The following CADM1 variants were observed in gnomAD, a reference collection of about 807,000 sequenced individuals.
CADM1 encodes the protein cell adhesion molecule 1, also known as TSLC-1.
CADM1 carries 15 observed loss-of-function variants against 53.1 expected under a neutral mutation model. That is an observed-to-expected ratio of 0.28 (90% confidence interval 0.19 to 0.44). CADM1 has a LOEUF of 0.44. Among genes scored for constraint, CADM1 ranks in the 20% least tolerant of loss-of-function variants. The pLI, the probability that CADM1 is intolerant of heterozygous loss-of-function variation, is 1.00. For synonymous variants in CADM1, 281 were observed against 243.0 expected, an observed-to-expected ratio of 1.16 and a Z score of -1.45; for missense variants, 434 against 611.3, an observed-to-expected ratio of 0.71 and a Z score of 3.06.
chr11:115,394,407 T>C (rs1295604438), intron 1 of CADM1, among the ~76,000 whole-genome samples: 1 of 152,082 alleles, frequency 6.6e-6, no homozygotes, highest in Non-Finnish European at 1.5e-5. Flanking sequence ...TAGCTTTCTA[T>C]CTAGCTCCAG....
At chr11:115,486,642 G>A (rs1450154200) in intron 1 of CADM1, among the ~76,000 whole-genome samples, 2 of 152,158 alleles carry the variant, frequency 1.3e-5, no homozygotes, top group African/African-American at 2.4e-5. Context: ...ATAGTACCTG[G>A]CCTTGAATTT....
intron 1 of CADM1, among the ~76,000 whole-genome samples, chr11:115,369,116 A>C (rs1351691589): frequency 6.7e-6 from 1 of 150,214 alleles, no homozygotes; most frequent in Non-Finnish European, 1.5e-5. Context: ...TTCCCTTTAT[A>C]AAGGCATCAG....
In CADM1 at chr11:115,350,117, A is replaced by G. The variant is rs578072796; in HGVS notation, c.125-109697T>C. 6.6e-5 allele frequency among the ~76,000 whole-genome samples: 10 copies of G among 152,208 alleles called. No individual in the cohort carries two copies. The South Asian group carries it at 1.2e-3, about 19-fold the overall frequency. On this transcript the variant is annotated intron_variant, in intron 1 of 11. Transcript: ENST00000331581. The stretch of plus-strand genomic sequence containing the variant: ...CTCCCGAGTAGCTGGGATTAGAGGC[A>G]TGTGCCACCATGACTGGCTAACTTT...
chr11:115,206,886 G>A (rs1003194006), intron 8 of CADM1, among the ~76,000 whole-genome samples: 1 of 149,058 alleles, frequency 6.7e-6, no homozygotes, highest in African/African-American at 2.5e-5. Context: ...GAGAGAAGAG[G>A]AGTGGAAATT....
chr11:115,308,576 T>C (rs1236901719), intron 1 of CADM1, among the ~76,000 whole-genome samples: 1 of 152,064 alleles, frequency 6.6e-6, no homozygotes. Context: ...GTGATTTTTT[T>C]CACAAAGTAA....
rs751343310 is a variant in CADM1, at chr11:115,173,767, A to G, written c.*2707T>C. On this transcript the variant is annotated 3_prime_UTR_variant, in exon 12 of 12. Transcript: ENST00000331581. Reference sequence around the variant, plus strand: ...AACATATGGATATGGAGTTTCTTACACTGTAACATTGTCCATGTACACCTT... The same window carrying G: ...AACATATGGATATGGAGTTTCTTACGCTGTAACATTGTCCATGTACACCTT... The G allele has an allele frequency of 2.0e-6, 2 of 982,438 alleles. No homozygotes were observed. Among genetic ancestry groups the G allele is most frequent in the African/African-American group, 1.8e-5 (1 of 57,076 alleles). The allele number at this position is 982,438 out of a possible 1,614,324, so 60.9% of individuals were successfully genotyped here.
chr11:115,288,044 A>C (rs1266988467), intron 1 of CADM1, among the ~76,000 whole-genome samples: 2 of 152,180 alleles, frequency 1.3e-5, no homozygotes, highest in Admixed American at 6.6e-5. Flanking sequence ...CTTGTGATGA[A>C]ATGACATTCT....
chr11:115,302,768 T>G (rs775819236), intron 1 of CADM1, among the ~76,000 whole-genome samples: 3 of 151,962 alleles, frequency 2.0e-5, no homozygotes, highest in Non-Finnish European at 4.4e-5. Flanking sequence ...AGGTTCTCAA[T>G]GAAGGGAGAT....
chr11:115,378,243 TCAGGACTAA>T (rs1388859663), intron 1 of CADM1, among the ~76,000 whole-genome samples: 1 of 152,102 alleles, frequency 6.6e-6, no homozygotes, highest in Non-Finnish European at 1.5e-5. Flanking sequence ...GACAGCATCC[TCAGGACTAA>T]CAGATCATCT....
At chr11:115,211,498 T>TA (rs11398703) in intron 7 of CADM1, among the ~76,000 whole-genome samples, 1 of 148,984 alleles carries the variant, frequency 6.7e-6, no homozygotes, top group Non-Finnish European at 1.5e-5. Flanking sequence ...TTTTTTTTTT[T>TA]AGACGGAGTC....
chr11:115,456,769 T>C (rs897126913), intron 1 of CADM1, among the ~76,000 whole-genome samples: 1 of 152,156 alleles, frequency 6.6e-6, no homozygotes, highest in African/African-American at 2.4e-5. Flanking sequence ...AGTGAAATAA[T>C]GTATGTCATG....
chr11:115,414,538 CTCA>C (rs1396517473), intron 1 of CADM1, among the ~76,000 whole-genome samples: 1 of 152,020 alleles, frequency 6.6e-6, no homozygotes, highest in Non-Finnish European at 1.5e-5. Flanking sequence ...ATTTGTAAAT[CTCA>C]TCAAAGGAAC....
At chr11:115,376,740 T>C (rs1023136922) in intron 1 of CADM1, among the ~76,000 whole-genome samples, 1 of 152,062 alleles carries the variant, frequency 6.6e-6, no homozygotes, top group Non-Finnish European at 1.5e-5. Context: ...GAAAAGTACA[T>C]GAAGCTCTTG....
chr11:115,387,579 A>C (rs1946730522), intron 1 of CADM1, among the ~76,000 whole-genome samples: 1 of 152,174 alleles, frequency 6.6e-6, no homozygotes, highest in African/African-American at 2.4e-5. Flanking sequence ...TTTCTGTAGT[A>C]GTATGGGTGA....
chr11:115,182,291 A>G (rs11605461), intron 10 of CADM1, among the ~76,000 whole-genome samples: 69,468 of 152,050 alleles, frequency 0.46, 16,669 homozygotes, highest in Non-Finnish European at 0.54. Context: ...GCTCAGGCAT[A>G]TGGACATCAC....
At chr11:115,323,622 T>A (rs1591708311) in intron 1 of CADM1, among the ~76,000 whole-genome samples, 1 of 152,146 alleles carries the variant, frequency 6.6e-6, no homozygotes, top group Admixed American at 6.6e-5. Flanking sequence ...GTAAGAAGAA[T>A]AAAGCACAGA....
intron 1 of CADM1, among the ~76,000 whole-genome samples, chr11:115,487,236 T>C (rs1949394815): frequency 1.3e-5 from 2 of 152,352 alleles, no homozygotes; most frequent in South Asian, 4.1e-4. Flanking sequence ...GAGTTTCTCT[T>C]GTTGAAATGG....
At chr11:115,351,328 T>C (rs1035551485) in intron 1 of CADM1, among the ~76,000 whole-genome samples, 3 of 152,156 alleles carry the variant, frequency 2.0e-5, no homozygotes, top group African/African-American at 4.8e-5. Context: ...AATCAGATGA[T>C]CTACTATCTG....
intron 1 of CADM1, among the ~76,000 whole-genome samples, chr11:115,262,318 G>C (rs951438973): frequency 6.6e-6 from 1 of 152,112 alleles, no homozygotes; most frequent in Non-Finnish European, 1.5e-5. Flanking sequence ...AAGGCATTTA[G>C]AATCTAAAAG....
Sources: gnomAD v4.1 joint callset for allele counts (sites outside exome capture counted in the v4.1 genomes callset) on GRCh38, gnomAD v4.1.1 for gene constraint, MANE v1.5 for transcripts, NCBI Gene and HGNC (gene_info 2026-07-23, HGNC 2026-07-21) for gene names.